SLC39A11: variants seen among roughly 807,000 people sequenced by gnomAD.
SLC39A11 encodes solute carrier family 39 member 11.
A neutral mutation model predicts 36.1 loss-of-function variants in SLC39A11; 33 were observed. The observed-to-expected ratio is 0.91, with a 90% confidence interval of 0.69 to 1.22. SLC39A11 has a LOEUF of 1.22. SLC39A11 is among the 50% of genes most tolerant of loss of function. The probability of loss-of-function intolerance (pLI) is 0.00; values close to 1 mark genes in which losing one functional copy is unlikely to be tolerated. For synonymous variants in SLC39A11, 166 were observed against 170.3 expected (o/e 0.97, Z 0.20); for missense variants, 432 against 430.3 (o/e 1.00, Z -0.03).
intron 4 of SLC39A11, among the ~76,000 whole-genome samples, chr17:72,967,171 A>G (rs2087050298): frequency 6.6e-6 from 1 of 152,206 alleles, no homozygotes; most frequent in Admixed American, 6.5e-5. Flanking sequence ...TAACAATAAT[A>G]GAAATAAAGT....
chr17:72,649,065 T>C, intron 8 of SLC39A11, 104 bp from the exon 9 acceptor site: 2 of 1,546,274 alleles, frequency 1.3e-6, no homozygotes, highest in East Asian at 2.3e-5. Flanking sequence ...CATGCCATTC[T>C]ACGTCATATC....
At position 72,681,548 on chromosome 17, in the gene SLC39A11, A is replaced by T. The variant is rs571717598; in HGVS notation, c.672-32280T>A. On this transcript the variant is annotated intron_variant, in intron 7 of 9. Coordinates refer to ENST00000255559, the MANE Select transcript of SLC39A11 (RefSeq NM_139177.4). ...CTCTTTTGCTCCTGCTCTTCTCCCT[A>T]TCACAGCCGCAGACATCTAGCCACA... Among the ~76,000 whole-genome samples, 4 of 152,190 alleles carry T rather than the reference A, an allele frequency of 2.6e-5. No individual in the cohort carries two copies. In the East Asian group the frequency reaches 7.7e-4, roughly 29 times the overall value.
At chr17:72,716,785 A>G (rs1461903317) in intron 7 of SLC39A11, among the ~76,000 whole-genome samples, 2 of 151,908 alleles carry the variant, frequency 1.3e-5, no homozygotes, top group Admixed American at 1.3e-4. Context: ...CCTGGCCAAC[A>G]TGGTAAAACC....
chr17:72,657,632 C>G (rs1389936439), intron 7 of SLC39A11, among the ~76,000 whole-genome samples: 1 of 152,092 alleles, frequency 6.6e-6, no homozygotes, highest in African/African-American at 2.4e-5. Flanking sequence ...GAGGGGTTTC[C>G]CAGGATATAG....
intron 7 of SLC39A11, among the ~76,000 whole-genome samples, chr17:72,652,347 C>T (rs2143876927): frequency 6.6e-6 from 1 of 152,320 alleles, no homozygotes. Context: ...TTGGGCTTTG[C>T]AGTCTGACTT....
intron 6 of SLC39A11, among the ~76,000 whole-genome samples, chr17:72,838,458 G>T (rs2078667598): frequency 6.6e-6 from 1 of 152,008 alleles, no homozygotes; most frequent in Non-Finnish European, 1.5e-5. Context: ...TCCAACTTCT[G>T]GGCTCAAGCG....
At chr17:72,754,887 A>C (rs1334664722) in intron 6 of SLC39A11, among the ~76,000 whole-genome samples, 1 of 152,258 alleles carries the variant, frequency 6.6e-6, no homozygotes, top group African/African-American at 2.4e-5. Context: ...GCACATACAC[A>C]AATTCCCACA....
intron 7 of SLC39A11, among the ~76,000 whole-genome samples, chr17:72,679,118 G>A (rs2071401301): frequency 6.6e-6 from 1 of 152,094 alleles, no homozygotes; most frequent in Admixed American, 6.6e-5. Flanking sequence ...AGGCTGGGGA[G>A]GGAAGAGAGG....
At chr17:73,010,326 T>C (rs2090444911) in intron 4 of SLC39A11, among the ~76,000 whole-genome samples, 1 of 152,242 alleles carries the variant, frequency 6.6e-6, no homozygotes, top group East Asian at 1.9e-4. Flanking sequence ...ACAATTCTTC[T>C]TTCCCTCTTT....
At chr17:73,040,128 C>T (rs117299971) in intron 3 of SLC39A11, among the ~76,000 whole-genome samples, 126 of 152,328 alleles carry the variant, frequency 8.3e-4, no homozygotes, top group Non-Finnish European at 1.4e-3. Context: ...AAACCCAGCA[C>T]TAGAAAATTT....
intron 7 of SLC39A11, among the ~76,000 whole-genome samples, chr17:72,685,524 C>G (rs1469791805): frequency 9.2e-5 from 14 of 152,236 alleles, no homozygotes; most frequent in Admixed American, 9.2e-4. Flanking sequence ...TTGAATTTTA[C>G]TTCAAACACA....
chr17:72,652,153 A>G (rs751206380), intron 7 of SLC39A11, among the ~76,000 whole-genome samples: 51 of 152,242 alleles, frequency 3.3e-4, no homozygotes, highest in Non-Finnish European at 5.6e-4. Flanking sequence ...CTGTGTTCCA[A>G]TAAAACTTTA....
At chr17:72,910,064 T>C (rs2082900363) in intron 5 of SLC39A11, among the ~76,000 whole-genome samples, 1 of 152,084 alleles carries the variant, frequency 6.6e-6, no homozygotes, top group Non-Finnish European at 1.5e-5. Context: ...CTCAACTTTC[T>C]ATAGCAGTTA....
intron 5 of SLC39A11, among the ~76,000 whole-genome samples, chr17:72,865,386 T>C (rs1468397823): frequency 7.1e-6 from 1 of 140,372 alleles, no homozygotes; most frequent in African/African-American, 2.7e-5. Context: ...TGTTTCTATG[T>C]GGTCTCTGAA....
At chr17:72,947,304 A>C (rs1467241806) in intron 5 of SLC39A11, among the ~76,000 whole-genome samples, 1 of 134,928 alleles carries the variant, frequency 7.4e-6, no homozygotes, top group Non-Finnish European at 1.6e-5. Flanking sequence ...ACAGAGCAAG[A>C]CTCCATCTCG....
At chr17:72,926,427 T>C (rs368463429) in intron 5 of SLC39A11, among the ~76,000 whole-genome samples, 82 of 152,324 alleles carry the variant, frequency 5.4e-4, no homozygotes, top group African/African-American at 1.9e-3. Context: ...TGTGTTTGTC[T>C]TGTGAAGTCC....
At chr17:72,658,551 A>G (rs1338191058) in intron 7 of SLC39A11, among the ~76,000 whole-genome samples, 1 of 152,042 alleles carries the variant, frequency 6.6e-6, no homozygotes, top group East Asian at 1.9e-4. Flanking sequence ...CCCCCCACCC[A>G]TCACCCATGT....
At chr17:72,958,198 C>T (rs1177252454) in intron 4 of SLC39A11, among the ~76,000 whole-genome samples, 1 of 152,160 alleles carries the variant, frequency 6.6e-6, no homozygotes, top group African/African-American at 2.4e-5. Context: ...CATCTCTCAC[C>T]TTATACAAAA....
In SLC39A11 at chr17:72,665,404, T is replaced by TTTTTG. The variant is rs1567921672; in HGVS notation, c.672-16137_672-16136insCAAAA. Among the ~76,000 whole-genome samples, 17 of 118,700 alleles carry TTTTTG rather than the reference T, an allele frequency of 1.4e-4. 1 individual carries two copies. In the East Asian group the frequency reaches 1.6e-3, roughly 11 times the overall value. The allele number at this position is 118,700 out of a possible 152,430, so 77.9% of individuals were successfully genotyped here. A position where few individuals can be genotyped will look rare whatever the true frequency, so the allele number is the denominator to read the frequency against. On this transcript the variant is annotated intron_variant, in intron 7 of 9. Coordinates refer to ENST00000255559, the MANE Select transcript of SLC39A11 (RefSeq NM_139177.4). Reference sequence around the variant, plus strand: ...GTTTTGAGGTGTTTTTTTTTTTTTTTTTTTTTGAGACAGGGTCTTGCTGTT... The same window carrying TTTTTG: ...GTTTTGAGGTGTTTTTTTTTTTTTTTTTTTGTTTTTTGAGACAGGGTCTTGCTGTT...
Sources: allele counts gnomAD v4.1 joint callset (sites outside exome capture counted in the v4.1 genomes callset), GRCh38; gene constraint gnomAD v4.1.1; transcripts MANE v1.5; gene names NCBI Gene and HGNC (gene_info 2026-07-23, HGNC 2026-07-21).